GALNTL6: variants seen among roughly 807,000 people sequenced by gnomAD.
GALNTL6 encodes the protein polypeptide N-acetylgalactosaminyltransferase like 6.
In GALNTL6, 46 loss-of-function variants were observed where a neutral mutation model predicts 73.7. That is an observed-to-expected ratio of 0.62 (90% CI 0.49 to 0.80). The LOEUF (loss-of-function observed/expected upper bound fraction) is 0.80, where lower values mean the gene tolerates loss of function less well. Among genes scored for constraint, GALNTL6 ranks in the 30% least tolerant of loss-of-function variants. The pLI, the probability that GALNTL6 is intolerant of heterozygous loss-of-function variation, is 0.00. For synonymous variants in GALNTL6, 259 were observed against 263.7 expected, an observed-to-expected ratio of 0.98 and a Z score of 0.17; for missense variants, 604 against 755.0, an observed-to-expected ratio of 0.80 and a Z score of 2.34.
intron 5 of GALNTL6, among the ~76,000 whole-genome samples, chr4:172,558,516 AG>A (rs1736227580): frequency 1.3e-5 from 2 of 152,154 alleles, no homozygotes; most frequent in Admixed American, 1.3e-4. Context: ...AGATGATGTG[AG>A]GATACAGAGA....
intron 2 of GALNTL6, among the ~76,000 whole-genome samples, chr4:171,964,319 T>G (rs949576384): frequency 1.3e-5 from 2 of 152,202 alleles, no homozygotes; most frequent in Admixed American, 6.5e-5. Context: ...ATCTTTTTAT[T>G]CCTCTGAAGT....
At chr4:172,384,843 C>G (rs1579020537) in intron 5 of GALNTL6, among the ~76,000 whole-genome samples, 1 of 152,004 alleles carries the variant, frequency 6.6e-6, no homozygotes, top group South Asian at 2.1e-4. Flanking sequence ...AACTCCTGGG[C>G]TCAATTGTTC....
chr4:173,003,147 TCA>T (rs2126480718), intron 10 of GALNTL6, among the ~76,000 whole-genome samples: 1 of 152,318 alleles, frequency 6.6e-6, no homozygotes, highest in East Asian at 1.9e-4. Context: ...GTATATTTTA[TCA>T]CAATTTTTTA....
At chr4:173,000,608 A>G (rs763002840) in intron 10 of GALNTL6, among the ~76,000 whole-genome samples, 20 of 152,236 alleles carry the variant, frequency 1.3e-4, no homozygotes, top group Non-Finnish European at 2.9e-4. Flanking sequence ...ACAATCTTGA[A>G]CAAGAAAAAC....
intron 2 of GALNTL6, among the ~76,000 whole-genome samples, chr4:172,037,587 C>A (rs1365293118): frequency 6.6e-6 from 1 of 152,136 alleles, no homozygotes; most frequent in Admixed American, 6.6e-5. Context: ...TCTGTCTGTG[C>A]CCTGAATGCT....
chr4:171,939,010 G>A (rs1472492458), intron 2 of GALNTL6, among the ~76,000 whole-genome samples: 1 of 151,862 alleles, frequency 6.6e-6, no homozygotes, highest in East Asian at 1.9e-4. Flanking sequence ...GGTGGTGGTT[G>A]GGAGGTATCT....
intron 2 of GALNTL6, among the ~76,000 whole-genome samples, chr4:172,229,211 G>A (rs1399688934): frequency 6.6e-6 from 1 of 152,182 alleles, no homozygotes; most frequent in Non-Finnish European, 1.5e-5. Flanking sequence ...CACATAGTGA[G>A]CATTCAATGA....
intron 2 of GALNTL6, among the ~76,000 whole-genome samples, chr4:172,160,349 GAA>G (rs35325563): frequency 1.7e-3 from 242 of 143,602 alleles, no homozygotes; most frequent in Non-Finnish European, 3.1e-3. Context: ...AGGACTGAAA[GAA>G]AAAAAAAAAT....
intron 2 of GALNTL6, among the ~76,000 whole-genome samples, chr4:172,043,927 C>A (rs1742153061): frequency 6.6e-6 from 1 of 152,006 alleles, no homozygotes. Context: ...TAACTATTCT[C>A]TGTAGACATG....
intron 9 of GALNTL6, among the ~76,000 whole-genome samples, chr4:172,945,453 G>A (rs138768925): frequency 7.2e-5 from 11 of 152,198 alleles, no homozygotes; most frequent in South Asian, 2.1e-4. Flanking sequence ...ACTATTCCTC[G>A]ATAAAGCTGA....
intron 12 of GALNTL6, 82 bp from the exon 13 acceptor site, chr4:173,039,851 A>G: frequency 1.9e-6 from 2 of 1,026,688 alleles, no homozygotes; most frequent in Non-Finnish European, 2.9e-6. Context: ...ATAAACAGAA[A>G]TATCTTACTT....
intron 2 of GALNTL6, among the ~76,000 whole-genome samples, chr4:171,887,255 G>A (rs539378033): frequency 1.3e-5 from 2 of 152,092 alleles, no homozygotes; most frequent in African/African-American, 4.8e-5. Context: ...TTTGCGTTGG[G>A]GTTTAAGTTT....
At chr4:172,236,670 T>C (rs1395422330) in intron 3 of GALNTL6, among the ~76,000 whole-genome samples, 2 of 152,224 alleles carry the variant, frequency 1.3e-5, no homozygotes, top group African/African-American at 4.8e-5. Flanking sequence ...TTCTGGTAAT[T>C]ACACCTCTGT....
intron 5 of GALNTL6, among the ~76,000 whole-genome samples, chr4:172,482,179 C>G (rs338029): frequency 0.12 from 17,838 of 152,256 alleles, 1,080 homozygotes; most frequent in East Asian, 0.23. Flanking sequence ...CAGGACCTGC[C>G]GAGCCCACAC....
chr4:171,867,074 G>T (rs1277681565), intron 2 of GALNTL6, among the ~76,000 whole-genome samples: 1 of 151,942 alleles, frequency 6.6e-6, no homozygotes, highest in Non-Finnish European at 1.5e-5. Flanking sequence ...TATAAAATAT[G>T]ATAAGTTTAG....
intron 7 of GALNTL6, among the ~76,000 whole-genome samples, chr4:172,871,049 C>T (rs1020573362): frequency 4.6e-5 from 7 of 152,150 alleles, no homozygotes; most frequent in African/African-American, 1.7e-4. Flanking sequence ...GCTACAACTA[C>T]AAATGCCAGA....
intron 4 of GALNTL6, among the ~76,000 whole-genome samples, chr4:172,331,867 G>A (rs1310675497): frequency 1.3e-5 from 2 of 152,124 alleles, no homozygotes; most frequent in Admixed American, 6.5e-5. Flanking sequence ...TCCAAGATTA[G>A]TTACTTTTGA....
chr4:172,600,391 G>T (rs992254959), intron 5 of GALNTL6, among the ~76,000 whole-genome samples: 2 of 152,152 alleles, frequency 1.3e-5, no homozygotes, highest in Non-Finnish European at 2.9e-5. Context: ...AAACCACAGT[G>T]CAGGAACAGC....
chr4:171,861,342 C>T (rs1216679494), intron 2 of GALNTL6, among the ~76,000 whole-genome samples: 1 of 152,182 alleles, frequency 6.6e-6, no homozygotes, highest in African/African-American at 2.4e-5. Context: ...GTCCAGTTAA[C>T]AGTTATTCTG....
Sources: allele counts gnomAD v4.1 joint callset (sites outside exome capture counted in the v4.1 genomes callset), GRCh38; gene constraint gnomAD v4.1.1; transcripts MANE v1.5; gene names NCBI Gene and HGNC (gene_info 2026-07-23, HGNC 2026-07-21).